Variants in USO1 observed in about 807,000 individuals in gnomAD.
USO1 encodes general vesicular transport factor p115.
Under a neutral mutation model 124.5 loss-of-function variants are expected in USO1, and 57 were observed. The observed-to-expected ratio is 0.46, with a 90% CI of 0.37 to 0.57. The LOEUF is 0.57. Ranked by LOEUF, USO1 falls within the 20% of genes least tolerant of loss-of-function variation. The probability of loss-of-function intolerance (pLI) is 0.00; values close to 1 mark genes in which losing one functional copy is unlikely to be tolerated. For missense variants in USO1, 900 were observed against 1,040.6 expected (o/e 0.86, Z 1.86); for synonymous variants, 369 against 362.8 (o/e 1.02, Z -0.19).
intron 4 of USO1, among the ~76,000 whole-genome samples, chr4:75,765,231 A>G (rs1450344465): frequency 2.0e-5 from 3 of 152,206 alleles, no homozygotes; most frequent in East Asian, 3.8e-4. Flanking sequence ...TCTTTTGAAC[A>G]TAGATTTCTC....
chr4:75,790,687 A>C lies in USO1; in HGVS notation c.1130A>C (p.Gln377Pro). Residue 377 changes from glutamine to proline, a missense_variant, in exon 12 of 24, where the codon CAG becomes CCG. Gln to Pro is a moderately conservative substitution (Grantham distance 76). This residue lies in a region of USO1 where 538 missense variants were observed against 681.6 expected (regional missense o/e 0.79). Coordinates refer to ENST00000514213, the MANE Select transcript of USO1 (RefSeq NM_003715.4). ...CTCATGTCCATGGTTAATGAAAGGC[A>C]GCCATTTGTTTTGCGCTGTGCTGTT... is the stretch of plus-strand genomic sequence containing the variant. The part of the protein sequence containing the change: ...VLLMSMVNER[Q>P]PFVLRCAVLY... 1 of 1,612,850 alleles carries C rather than the reference A, an allele frequency of 6.2e-7. No individual in the cohort carries two copies. Among genetic ancestry groups the C allele is most frequent in the Non-Finnish European group, 8.5e-7 (1 of 1,179,536 alleles).
intron 22 of USO1, among the ~76,000 whole-genome samples, chr4:75,810,928 AC>A (rs2149197228): frequency 6.6e-6 from 1 of 151,996 alleles, no homozygotes; most frequent in East Asian, 1.9e-4. Context: ...ACAGGGTTTC[AC>A]CACGTTGGCC....
At chr4:75,782,162 T>C (rs766001482) in intron 8 of USO1, among the ~76,000 whole-genome samples, 1 of 152,234 alleles carries the variant, frequency 6.6e-6, no homozygotes, top group Non-Finnish European at 1.5e-5. Flanking sequence ...AAGAGCTTCT[T>C]AGAGATCAAA....
At chr4:75,768,529 T>C (rs1258021692) in intron 4 of USO1, among the ~76,000 whole-genome samples, 1 of 152,236 alleles carries the variant, frequency 6.6e-6, no homozygotes, top group Non-Finnish European at 1.5e-5. Flanking sequence ...TTCTATTAGC[T>C]CTTTTGTAGA....
Position 75,793,492 on chromosome 4 carries a change from C to G in USO1, c.1241-198C>G, listed in dbSNP as rs575501492. Among the ~76,000 whole-genome samples the G allele has an allele frequency of 1.3e-3, 193 of 152,218 alleles. 2 individuals carry two copies. Among genetic ancestry groups the G allele is most frequent in the Non-Finnish European group, 4.4e-4 (30 of 68,002 alleles). ...ATTACTTTTCTTCCAAGATAACTTT[C>G]TCTCATTGTTCATTTTGCTTTGAAA... is the stretch of plus-strand genomic sequence containing the variant. On this transcript the variant is annotated intron_variant, in intron 12 of 23. Transcript: ENST00000514213.
intron 22 of USO1, among the ~76,000 whole-genome samples, 198 bp downstream of exon 22, chr4:75,810,737 GT>G (rs1400579764): frequency 6.6e-6 from 1 of 151,792 alleles, no homozygotes; most frequent in African/African-American, 2.4e-5. Flanking sequence ...TTTTTGTTTT[GT>G]TTTGTTTTTT....
chr4:75,803,786 A>G (rs1047885237), intron 17 of USO1, among the ~76,000 whole-genome samples: 1 of 152,012 alleles, frequency 6.6e-6, no homozygotes, highest in Admixed American at 6.5e-5. Flanking sequence ...ATATAGAAGC[A>G]TATGTATACA....
intron 13 of USO1, among the ~76,000 whole-genome samples, chr4:75,797,483 C>CT (rs1560458687): frequency 1.6e-4 from 16 of 99,856 alleles, no homozygotes; most frequent in Admixed American, 5.5e-4. Context: ...TCTCTTTTTT[C>CT]TTTTTTTTTA....
chr4:75,782,822 T>G lies in USO1; in HGVS notation c.819T>G (p.Ser273=), dbSNP rs193229899. 5,588 of 1,607,320 alleles carry G rather than the reference T, an allele frequency of 3.5e-3. 13 individuals are homozygous for G. The highest frequency in any genetic ancestry group is 4.5e-3 in the South Asian group (406 of 89,334). Residue 273 remains serine (S), a synonymous_variant, in exon 9 of 24, where the codon TCT becomes TCG. Transcript: ENST00000514213. ...FEVGDENSGW[S]AQKVTNLHLM... ...TTGGAGATGAAAATTCTGGCTGGTC[T>G]GCACAGAAAGTGACCAATCTACATC...
intron 1 of USO1, chr4:75,729,809 C>T (rs1169727080): frequency 9.6e-6 from 2 of 209,058 alleles, no homozygotes; most frequent in Non-Finnish European, 2.0e-5. Flanking sequence ...GTTATGGGGT[C>T]TCTTTCCAGA....
rs1385173540 is a variant in USO1, at chr4:75,789,291, T to TTGC, written c.997-857_997-856insCTG. ...TTTCTGTTTTGTGTTGCTGTTGTTG[T>TTGC]TGTTTTGAGGCAGTCTTGCTCTATT... is the stretch of plus-strand genomic sequence containing the variant. On this transcript the variant is annotated intron_variant, in intron 10 of 23. Coordinates refer to ENST00000514213, the MANE Select transcript of USO1 (RefSeq NM_003715.4). Among the ~76,000 whole-genome samples the TTGC allele has an allele frequency of 2.6e-5, 4 of 151,834 alleles. No homozygotes were observed. In the East Asian group the frequency reaches 7.7e-4, roughly 29 times the overall value.
chr4:75,763,822 T>C (rs899231919), intron 4 of USO1, among the ~76,000 whole-genome samples: 1 of 152,326 alleles, frequency 6.6e-6, no homozygotes, highest in African/African-American at 2.4e-5. Context: ...TGCCTTTGCT[T>C]ACACGTATAA....
chr4:75,791,426 A>G (rs1459876649), intron 12 of USO1, among the ~76,000 whole-genome samples: 2 of 152,186 alleles, frequency 1.3e-5, no homozygotes, highest in Non-Finnish European at 2.9e-5. Flanking sequence ...CAGGAGGCTG[A>G]GGCAGGAGAA....
intron 22 of USO1, 29 bp from the exon 23 acceptor site, chr4:75,812,131 A>G (rs1367720466): frequency 6.4e-7 from 1 of 1,567,234 alleles, no homozygotes; most frequent in Admixed American, 1.9e-5. Context: ...CTAATTTTAG[A>G]TTCCTGCCTT....
chr4:75,739,922 A>G (rs6531901), intron 1 of USO1, among the ~76,000 whole-genome samples: 83,293 of 152,032 alleles, frequency 0.55, 24,100 homozygotes, highest in East Asian at 0.81. Flanking sequence ...CCTAAGCACA[A>G]GAAGGCTGTG....
chr4:75,771,967 AAAGTT>A (rs1426904349), intron 7 of USO1, among the ~76,000 whole-genome samples: 1 of 152,204 alleles, frequency 6.6e-6, no homozygotes, highest in Non-Finnish European at 1.5e-5. Context: ...GAAACCAAGT[AAAGTT>A]AAGTGTTCTT....
intron 1 of USO1, among the ~76,000 whole-genome samples, chr4:75,735,557 G>A (rs558204743): frequency 6.6e-6 from 1 of 152,172 alleles, no homozygotes; most frequent in East Asian, 1.9e-4. Context: ...GTCTCACTCT[G>A]TTGAACAGGC....
chr4:75,803,991 T>C, intron 17 of USO1, 143 bp from the exon 18 acceptor site: 2 of 984,646 alleles, frequency 2.0e-6, no homozygotes, highest in Non-Finnish European at 2.8e-6. Flanking sequence ...ACACACCAAG[T>C]TGCTTAATTA....
rs1723166885 is a variant in USO1 at position 75,812,153 on chromosome 4, T to C, written c.2584-7T>C. On this transcript the variant is annotated splice_polypyrimidine_tract_variant and splice_region_variant and intron_variant, in intron 22 of 23. Coordinates refer to ENST00000514213, the MANE Select transcript of USO1 (RefSeq NM_003715.4). ...TAGATTCCTGCCTTTCACCTTTCTTTTCCTAGAATGAAATTAAAGCTCTGT... is the reference window on the plus strand; with the variant it reads ...TAGATTCCTGCCTTTCACCTTTCTTCTCCTAGAATGAAATTAAAGCTCTGT... 1.9e-6 allele frequency: 3 copies of C among 1,591,672 alleles called. No individual in the cohort carries two copies. The highest frequency in any genetic ancestry group is 2.6e-6 in the Non-Finnish European group (3 of 1,168,476).
Sources: gnomAD v4.1 joint callset for allele counts (sites outside exome capture counted in the v4.1 genomes callset) on GRCh38, gnomAD v4.1.1 for gene constraint, gnomAD v4.1.1 regional missense constraint, MANE v1.5 for transcripts, NCBI Gene and HGNC (gene_info 2026-07-23, HGNC 2026-07-21) for gene names.